PCDH9: variants seen among roughly 807,000 people sequenced by gnomAD.
PCDH9 encodes the protein protocadherin-9.
PCDH9 carries 24 observed loss-of-function variants against 70.6 expected under a neutral mutation model. That is an observed-to-expected ratio of 0.34 (90% confidence interval 0.25 to 0.48). PCDH9 has a LOEUF of 0.48. PCDH9 is among the 20% of genes least tolerant of loss of function. PCDH9 has a pLI of 0.99. For missense variants in PCDH9, 1,281 were observed against 1,503.6 expected (o/e 0.85, Z 2.45); for synonymous variants, 562 against 558.5 (o/e 1.01, Z -0.09).
At chr13:67,191,943 T>C (rs9564379) in intron 2 of PCDH9, among the ~76,000 whole-genome samples, 15,400 of 152,064 alleles carry the variant, frequency 0.1, 987 homozygotes, top group East Asian at 0.28. Context: ...TTTGTAAAAA[T>C]TGGAGTAAAT....
At chr13:66,915,942 T>C (rs567927134) in intron 2 of PCDH9, among the ~76,000 whole-genome samples, 62 of 151,724 alleles carry the variant, frequency 4.1e-4, no homozygotes, top group African/African-American at 1.4e-3. Flanking sequence ...AGTAAGAATT[T>C]GTAGCAATTC....
At chr13:67,073,423 A>C (rs2085807310) in intron 2 of PCDH9, among the ~76,000 whole-genome samples, 1 of 152,142 alleles carries the variant, frequency 6.6e-6, no homozygotes, top group South Asian at 2.1e-4. Context: ...AAAGTAATCA[A>C]AATAATTTGT....
At chr13:66,493,225 A>G (rs1249855766) in intron 4 of PCDH9, among the ~76,000 whole-genome samples, 1 of 152,158 alleles carries the variant, frequency 6.6e-6, no homozygotes, top group Non-Finnish European at 1.5e-5. Flanking sequence ...AAGTTCATCT[A>G]TATTTTATGT....
chr13:66,318,817 T>G (rs1324049321), intron 4 of PCDH9, among the ~76,000 whole-genome samples: 1 of 152,226 alleles, frequency 6.6e-6, no homozygotes, highest in Non-Finnish European at 1.5e-5. Context: ...CCCTTAACAA[T>G]TAAATATGCT....
At position 67,132,325 on chromosome 13, in the gene PCDH9, T is replaced by C. The variant is rs115545036; in HGVS notation, c.3036+93080A>G. On this transcript the variant is annotated intron_variant, in intron 2 of 4. Coordinates refer to ENST00000377865, the MANE Select transcript of PCDH9 (RefSeq NM_203487.3). ...ACATGTTCTTAGATCACCAGAAATA[T>C]ACTCATCATCCCACCTGCATCTTCC... 2.7e-3 allele frequency among the ~76,000 whole-genome samples: 412 copies of C among 152,246 alleles called. 2 individuals carry two copies. Among genetic ancestry groups the C allele is most frequent in the African/African-American group, 9.5e-3 (395 of 41,574 alleles).
intron 3 of PCDH9, among the ~76,000 whole-genome samples, chr13:66,902,706 GAA>G (rs776919287): frequency 9.8e-4 from 148 of 151,490 alleles, no homozygotes; most frequent in Non-Finnish European, 1.9e-3. Context: ...TTAAAAATGG[GAA>G]TCTTCTTCCA....
intron 3 of PCDH9, among the ~76,000 whole-genome samples, chr13:66,720,874 C>T (rs1018999933): frequency 3.3e-5 from 5 of 151,874 alleles, no homozygotes; most frequent in African/African-American, 1.2e-4. Flanking sequence ...AGTCTGGGTC[C>T]AAAAATCCAA....
intron 3 of PCDH9, among the ~76,000 whole-genome samples, chr13:66,641,062 A>G (rs2077702638): frequency 6.6e-6 from 1 of 152,038 alleles, no homozygotes; most frequent in African/African-American, 2.4e-5. Flanking sequence ...TTTAGTAGAG[A>G]TGGAGTTTCG....
intron 4 of PCDH9, among the ~76,000 whole-genome samples, chr13:66,628,754 G>C (rs2077531347): frequency 6.6e-6 from 1 of 152,076 alleles, no homozygotes; most frequent in Non-Finnish European, 1.5e-5. Flanking sequence ...TTTCTTATAA[G>C]AGTCAACAAA....
At chr13:66,904,179 CTTATT>C (rs1194099196) in intron 2 of PCDH9, among the ~76,000 whole-genome samples, 2 of 151,854 alleles carry the variant, frequency 1.3e-5, no homozygotes, top group African/African-American at 4.8e-5. Flanking sequence ...TACTAGTTGA[CTTATT>C]TTTCTACTAA....
chr13:67,225,304 A>C, intron 2 of PCDH9, 101 bp downstream of exon 2: 1 of 1,351,960 alleles, frequency 7.4e-7, no homozygotes, highest in Non-Finnish European at 1.0e-6. Context: ...TTTCTAACTA[A>C]GCTAAAGTTA....
intron 3 of PCDH9, among the ~76,000 whole-genome samples, chr13:66,775,922 C>T (rs951132947): frequency 2.0e-5 from 3 of 152,034 alleles, no homozygotes; most frequent in African/African-American, 7.2e-5. Context: ...TCCCGAACTC[C>T]CCTATGTTAC....
chr13:66,868,600 GA>G (rs1218338087), intron 3 of PCDH9, among the ~76,000 whole-genome samples: 3 of 152,032 alleles, frequency 2.0e-5, no homozygotes, highest in African/African-American at 7.2e-5. Flanking sequence ...ATCATGTGAA[GA>G]AAGAACATCA....
At chr13:66,325,609 C>T (rs1293883425) in intron 4 of PCDH9, among the ~76,000 whole-genome samples, 1 of 152,020 alleles carries the variant, frequency 6.6e-6, no homozygotes, top group Non-Finnish European at 1.5e-5. Context: ...TCAGAATTTA[C>T]TTAGACTAAT....
chr13:66,315,552 G>A (rs555295653), intron 4 of PCDH9, among the ~76,000 whole-genome samples: 2 of 152,196 alleles, frequency 1.3e-5, no homozygotes, highest in South Asian at 4.1e-4. Context: ...CGCAATCTCG[G>A]CTCACTGCAA....
chr13:66,684,317 T>C (rs1456986929), intron 3 of PCDH9, among the ~76,000 whole-genome samples: 1 of 152,180 alleles, frequency 6.6e-6, no homozygotes, highest in Non-Finnish European at 1.5e-5. Context: ...ATCTTACTTA[T>C]TAATACTTTA....
At chr13:66,963,378 A>G (rs1323044438) in intron 2 of PCDH9, among the ~76,000 whole-genome samples, 1 of 152,190 alleles carries the variant, frequency 6.6e-6, no homozygotes, top group African/African-American at 2.4e-5. Flanking sequence ...CATTGCATAA[A>G]TTCCCAAATT....
intron 2 of PCDH9, among the ~76,000 whole-genome samples, chr13:66,960,342 CTA>C (rs1276215957): frequency 2.0e-5 from 3 of 152,100 alleles, no homozygotes; most frequent in Non-Finnish European, 4.4e-5. Flanking sequence ...TCATTGGACA[CTA>C]TGTGAATCAG....
At chr13:66,981,331 A>G (rs971067756) in intron 2 of PCDH9, among the ~76,000 whole-genome samples, 5 of 151,478 alleles carry the variant, frequency 3.3e-5, no homozygotes, top group African/African-American at 4.8e-5. Flanking sequence ...CCAGCTACTC[A>G]GGAGGCTGAG....
Sources: allele counts gnomAD v4.1 joint callset (sites outside exome capture counted in the v4.1 genomes callset), GRCh38; gene constraint gnomAD v4.1.1; transcripts MANE v1.5; gene names NCBI Gene and HGNC (gene_info 2026-07-23, HGNC 2026-07-21).